The following ZFHX3 variants were observed in gnomAD, a reference collection of about 807,000 sequenced individuals.
ZFHX3 encodes the protein zinc finger homeobox 3.
Under a neutral mutation model 279.1 loss-of-function variants are expected in ZFHX3, and 42 were observed. That is an observed-to-expected ratio of 0.15 (90% confidence interval 0.12 to 0.19). The LOEUF (loss-of-function observed/expected upper bound fraction) is 0.19, where lower values mean the gene tolerates loss of function less well. Ranked by LOEUF, ZFHX3 falls within the 10% of genes least tolerant of loss-of-function variation. ZFHX3 has a pLI of 1.00. For missense variants in ZFHX3, 4,981 were observed against 4,754.0 expected, an observed-to-expected ratio of 1.05 and a Z score of -1.40; for synonymous variants, 2,293 against 1,957.8, an observed-to-expected ratio of 1.17 and a Z score of -4.52.
At chr16:73,285,188 G>C (rs1166174800) in intron 4 of ZFHX3, among the ~76,000 whole-genome samples, 1 of 152,186 alleles carries the variant, frequency 6.6e-6, no homozygotes, top group Non-Finnish European at 1.5e-5. Context: ...CTCTTTGCTA[G>C]TTTTGGTTGG....
chr16:73,008,911 C>CGT (rs5817822), intron 1 of ZFHX3, among the ~76,000 whole-genome samples: 9,590 of 149,656 alleles, frequency 0.064, 339 homozygotes, highest in Non-Finnish European at 0.082. Flanking sequence ...AAAGTATATA[C>CGT]GTGTGTGTGT....
intron 1 of ZFHX3, among the ~76,000 whole-genome samples, chr16:73,766,963 T>A (rs2053954058): frequency 6.8e-6 from 1 of 146,478 alleles, no homozygotes; most frequent in South Asian, 2.2e-4. Flanking sequence ...CGAGATGGAG[T>A]CTTACTCTGT....
At chr16:73,287,252 T>C (rs1160511814) in intron 4 of ZFHX3, among the ~76,000 whole-genome samples, 1 of 142,304 alleles carries the variant, frequency 7.0e-6, no homozygotes, top group African/African-American at 2.7e-5. Context: ...TATGGGTGTG[T>C]GGGTGTGTAG....
At position 73,779,574 on chromosome 16, in the gene ZFHX3, T is replaced by C. The variant is rs1959380937; in HGVS notation, c.-1607-99334A>G. Among the ~76,000 whole-genome samples the C allele has an allele frequency of 2.0e-5, 3 of 152,070 alleles. No individual in the cohort carries two copies. The South Asian group carries it at 6.2e-4, about 32-fold the overall frequency. ...GTGAAACATTTAAGACCCACAAAGA[T>C]AGATAAGGTCCTAATCTACTAGGAC... On this transcript the variant is annotated intron_variant, in intron 1 of 17. Transcript: ENST00000641206.
At chr16:73,317,137 G>T (rs2015468760) in intron 4 of ZFHX3, among the ~76,000 whole-genome samples, 1 of 152,058 alleles carries the variant, frequency 6.6e-6, no homozygotes, top group East Asian at 1.9e-4. Context: ...TCTTAAGAGG[G>T]GGGTGGGTGG....
chr16:73,373,677 C>A (rs769003948), intron 3 of ZFHX3, among the ~76,000 whole-genome samples: 9 of 152,146 alleles, frequency 5.9e-5, no homozygotes, highest in Non-Finnish European at 1.2e-4. Context: ...TGAGGCGGTA[C>A]ATGATAAAAA....
In ZFHX3 at chr16:73,069,802, G is replaced by A. The variant is rs963939095; in HGVS notation, c.-532-10790C>T. ...ACGGGCTTTGGCCAAATTTCCACCCGGTCAGAAAATAACTGGTCATAATGG... is the reference window on the plus strand; with the variant it reads ...ACGGGCTTTGGCCAAATTTCCACCCAGTCAGAAAATAACTGGTCATAATGG... On this transcript the variant is annotated intron_variant, in intron 8 of 17. Transcript: ENST00000641206. Among the ~76,000 whole-genome samples the A allele has an allele frequency of 2.6e-5, 4 of 152,188 alleles. No homozygotes were observed. The East Asian group carries it at 5.8e-4, about 22-fold the overall frequency.
chr16:72,832,973 C>T lies in ZFHX3; in HGVS notation c.3449-3114G>A, dbSNP rs117800537. On this transcript the variant is annotated intron_variant, in intron 4 of 9. Coordinates refer to ENST00000268489, the MANE Select transcript of ZFHX3 (RefSeq NM_006885.4). ...GATGAAAGCCCAGGCTGACAGTAAC[C>T]GGAAAACTGTGAGCTCTGAATACCA... is the stretch of plus-strand genomic sequence containing the variant. Among the ~76,000 whole-genome samples, 222 of 152,260 alleles carry T rather than the reference C, an allele frequency of 1.5e-3. 3 individuals are homozygous for T. In the East Asian group the frequency reaches 0.021, roughly 15 times the overall value.
chr16:72,873,528 C>T (rs1045815210), intron 4 of ZFHX3, among the ~76,000 whole-genome samples: 4 of 152,190 alleles, frequency 2.6e-5, no homozygotes, highest in African/African-American at 9.7e-5. Context: ...ATTATCACTA[C>T]GTGTTTATAG....
intron 2 of ZFHX3, among the ~76,000 whole-genome samples, chr16:73,467,100 T>A (rs2018586945): frequency 1.3e-5 from 2 of 152,208 alleles, no homozygotes; most frequent in African/African-American, 4.8e-5. Flanking sequence ...GGAGTTGTTA[T>A]AAAGATTCTG....
intron 2 of ZFHX3, among the ~76,000 whole-genome samples, chr16:73,501,421 ATC>A (rs1206941386): frequency 6.6e-6 from 1 of 152,212 alleles, no homozygotes; most frequent in Non-Finnish European, 1.5e-5. Flanking sequence ...ACCCCAGCAC[ATC>A]TCAAGAAAAA....
chr16:73,579,316 G>A (rs983901493), intron 2 of ZFHX3, among the ~76,000 whole-genome samples: 6 of 152,026 alleles, frequency 3.9e-5, no homozygotes, highest in Non-Finnish European at 7.4e-5. Context: ...AACCCAGACG[G>A]TACTCTGACC....
chr16:73,059,353 GACACACACACGAGCGCGCGCACAC>G (rs1965645655), exon 1 of ZFHX3: 1 of 117,812 alleles, frequency 8.5e-6, no homozygotes, highest in Non-Finnish European at 1.7e-5. Flanking sequence ...ACACACACAC[GACACACACACGAGCGCGCGCACAC>G]ACACACACAC....
intron 4 of ZFHX3, among the ~76,000 whole-genome samples, chr16:73,276,192 T>C (rs1432750250): frequency 6.7e-6 from 1 of 148,780 alleles, no homozygotes; most frequent in Non-Finnish European, 1.5e-5. Flanking sequence ...TTTTTTTTTT[T>C]TCTTTTCTGA....
intron 1 of ZFHX3, among the ~76,000 whole-genome samples, chr16:73,056,116 C>T (rs535040159): frequency 6.6e-6 from 1 of 152,246 alleles, no homozygotes; most frequent in African/African-American, 2.4e-5. Flanking sequence ...TTTTCCTGCC[C>T]ACACCTCATC....
chr16:73,668,881 T>G (rs1013795158), intron 2 of ZFHX3, among the ~76,000 whole-genome samples: 1 of 152,106 alleles, frequency 6.6e-6, no homozygotes, highest in Non-Finnish European at 1.5e-5. Flanking sequence ...AGAATGGCAA[T>G]TATTAAAAAG....
intron 1 of ZFHX3, among the ~76,000 whole-genome samples, chr16:73,853,916 C>A (rs1275164647): frequency 6.6e-6 from 1 of 152,174 alleles, no homozygotes; most frequent in Non-Finnish European, 1.5e-5. Flanking sequence ...ACAATAGGTT[C>A]TCCTATTATC....
rs187570150 is a variant in ZFHX3 at position 73,069,716 on chromosome 16, T to G, written c.-532-10704A>C. Among the ~76,000 whole-genome samples the G allele has an allele frequency of 5.4e-4, 83 of 152,324 alleles. No individual in the cohort carries two copies. In the East Asian group the frequency reaches 0.01, roughly 19 times the overall value. On this transcript the variant is annotated intron_variant, in intron 8 of 17. Coordinates refer to the ZFHX3 transcript ENST00000641206. ...AGTTTACCTAAGACTGTCCCACATT[T>G]AAAACTGCATCTTAGGAACCCACTC... is the stretch of plus-strand genomic sequence containing the variant.
At chr16:72,984,083 C>T (rs776113273) in intron 1 of ZFHX3, among the ~76,000 whole-genome samples, 4 of 152,190 alleles carry the variant, frequency 2.6e-5, no homozygotes, top group Non-Finnish European at 4.4e-5. Context: ...TACCTGCTCA[C>T]GCTCCTTCAA....
Sources: allele counts gnomAD v4.1 joint callset (sites outside exome capture counted in the v4.1 genomes callset), GRCh38; gene constraint gnomAD v4.1.1; transcripts MANE v1.5; gene names NCBI Gene and HGNC (gene_info 2026-07-23, HGNC 2026-07-21).